The following SLC41A2 variants were observed in gnomAD, a reference collection of about 807,000 sequenced individuals.
The protein encoded by SLC41A2 is solute carrier family 41 member 2.
In SLC41A2, 32 loss-of-function variants were observed where a neutral mutation model predicts 58.3. The ratio of observed to expected loss-of-function variants is 0.55; its 90% CI spans 0.41 to 0.74. SLC41A2 has a LOEUF of 0.74. Ranked by LOEUF, SLC41A2 falls within the 30% of genes least tolerant of loss-of-function variation. SLC41A2 has a pLI of 0.00. For missense variants in SLC41A2, 514 were observed against 680.6 expected (o/e 0.76, Z 2.72); for synonymous variants, 190 against 235.0 (o/e 0.81, Z 1.75).
At chr12:104,897,677 TTTTTATAAA>T (rs2045360673) in intron 3 of SLC41A2, among the ~76,000 whole-genome samples, 1 of 152,222 alleles carries the variant, frequency 6.6e-6, no homozygotes, top group Non-Finnish European at 1.5e-5. Flanking sequence ...ACAATAACTT[TTTTTATAAA>T]GCAAAGATTT....
chr12:104,803,524 C>A lies in SLC41A2; in HGVS notation c.*1628G>T, dbSNP rs1314915752. 5 of 151,962 alleles carry A rather than the reference C, an allele frequency of 3.3e-5. No homozygotes were observed. 9.4% of individuals were successfully genotyped at this position (151,962 alleles called of 1,614,324 possible). ...CTTTCTGCAATATATTTATAAACAA[C>A]CTAATATTTATATAATAACACAAAG... On this transcript the variant is annotated 3_prime_UTR_variant, in exon 11 of 11. Transcript: ENST00000258538.
intron 10 of SLC41A2, among the ~76,000 whole-genome samples, chr12:104,807,378 A>C (rs1026007201): frequency 5.3e-5 from 8 of 152,046 alleles, no homozygotes; most frequent in African/African-American, 1.9e-4. Flanking sequence ...ATAGTTGTAG[A>C]TATGTGGCAT....
rs967158269 is a variant in SLC41A2 at position 104,958,249 on chromosome 12, C to T, written c.-329G>A. The T allele has an allele frequency of 1.3e-5, 2 of 151,138 alleles. No individual in the cohort carries two copies. Among genetic ancestry groups the T allele is most frequent in the Admixed American group, 6.6e-5 (1 of 15,168 alleles). The allele number at this position is 151,138 out of a possible 1,614,324, so 9.4% of individuals were successfully genotyped here. ...GCGGCTCCCAGCCCACAGCTCCTTCCTGCTCCCGCGCCTCCTCGCGCGGCT... is the reference window on the plus strand; with the variant it reads ...GCGGCTCCCAGCCCACAGCTCCTTCTTGCTCCCGCGCCTCCTCGCGCGGCT... On this transcript the variant is annotated 5_prime_UTR_variant, in exon 1 of 11. Coordinates refer to ENST00000258538, the MANE Select transcript of SLC41A2 (RefSeq NM_001352171.3).
rs147595903 is a variant in SLC41A2, at chr12:104,937,289, C to T, written c.-167-8595G>A. ...CACTCACCATTCACTTACTGACTTA[C>T]CCAGAGCAACTTCCAGTACTGAAAA... On this transcript the variant is annotated intron_variant, in intron 1 of 10. Transcript: ENST00000258538. Among the ~76,000 whole-genome samples, 760 of 152,306 alleles carry T rather than the reference C, an allele frequency of 5.0e-3. 7 individuals carry two copies. Among genetic ancestry groups the T allele is most frequent in the Non-Finnish European group, 8.2e-3 (557 of 68,030 alleles).
intron 1 of SLC41A2, among the ~76,000 whole-genome samples, chr12:104,935,672 T>C (rs999494002): frequency 5.3e-5 from 8 of 152,188 alleles, no homozygotes; most frequent in Non-Finnish European, 8.8e-5. Flanking sequence ...AGTCACGTAC[T>C]GCCTAACAAC....
intron 1 of SLC41A2, among the ~76,000 whole-genome samples, chr12:104,940,337 T>A (rs7306638): frequency 9.0e-5 from 7 of 77,402 alleles, no homozygotes; most frequent in African/African-American, 3.4e-4. Flanking sequence ...TTATTTTTTT[T>A]AAAAAGGCTC....
rs182027457 is a variant in SLC41A2, at chr12:104,879,992, C to T, written c.1027+6301G>A. ...CTCCTTGAAGAGGTCCTTCACATTC[C>T]GTGTAAGTTGGATTCCTAGGTATTT... On this transcript the variant is annotated intron_variant, in intron 6 of 10. Transcript: ENST00000258538. 2.0e-4 allele frequency among the ~76,000 whole-genome samples: 30 copies of T among 152,108 alleles called. No individual in the cohort carries two copies. In the East Asian group the frequency reaches 4.4e-3, roughly 22 times the overall value.
chr12:104,941,090 A>T (rs1455067096), intron 1 of SLC41A2, among the ~76,000 whole-genome samples: 2 of 152,174 alleles, frequency 1.3e-5, no homozygotes, highest in African/African-American at 4.8e-5. Context: ...GTTGGGGAAC[A>T]TGGAAGAGAG....
rs75652421 is a variant in SLC41A2 at position 104,858,950 on chromosome 12, G to T, written c.1255+2341C>A. Among the ~76,000 whole-genome samples the T allele has an allele frequency of 8.7e-3, 1,324 of 152,260 alleles. 36 individuals are homozygous for T. The East Asian group carries it at 0.12, about 14-fold the overall frequency. On this transcript the variant is annotated intron_variant, in intron 8 of 10. Transcript: ENST00000258538. ...TGCATTAAAGCCTTATAATAAAAGG[G>T]TTATTGTAATTTAAGTTAAATTTCT...
chr12:104,876,104 T>G (rs2044028572), intron 6 of SLC41A2, among the ~76,000 whole-genome samples: 1 of 151,902 alleles, frequency 6.6e-6, no homozygotes, highest in Non-Finnish European at 1.5e-5. Context: ...CTAGTGATCT[T>G]TTTTATTTCT....
intron 2 of SLC41A2, among the ~76,000 whole-genome samples, chr12:104,926,685 A>G (rs1267821311): frequency 6.6e-6 from 1 of 152,238 alleles, no homozygotes; most frequent in Non-Finnish European, 1.5e-5. Flanking sequence ...TCACAGAAAA[A>G]GAATGGCCAA....
At chr12:104,860,405 A>G (rs555089745) in intron 8 of SLC41A2, among the ~76,000 whole-genome samples, 3 of 152,184 alleles carry the variant, frequency 2.0e-5, no homozygotes, top group African/African-American at 7.2e-5. Context: ...AAAAAAAAAA[A>G]AAAAAATCCA....
chr12:104,829,857 T>G (rs1404729574), intron 10 of SLC41A2, among the ~76,000 whole-genome samples: 1 of 152,166 alleles, frequency 6.6e-6, no homozygotes, highest in Non-Finnish European at 1.5e-5. Flanking sequence ...ATTATATAAA[T>G]TTCAAATTTC....
intron 6 of SLC41A2, among the ~76,000 whole-genome samples, chr12:104,878,169 C>A (rs2044149397): frequency 6.6e-6 from 1 of 151,668 alleles, no homozygotes; most frequent in Admixed American, 6.6e-5. Flanking sequence ...CAACGGCATT[C>A]TCTTTCTTAC....
intron 3 of SLC41A2, among the ~76,000 whole-genome samples, chr12:104,898,561 A>C (rs1049648466): frequency 6.6e-6 from 1 of 151,396 alleles, no homozygotes; most frequent in Non-Finnish European, 1.5e-5. Flanking sequence ...AAAAAAAACT[A>C]TATGTACATT....
intron 1 of SLC41A2, among the ~76,000 whole-genome samples, chr12:104,936,078 T>C (rs1256725871): frequency 6.6e-6 from 1 of 151,732 alleles, no homozygotes. Context: ...AGTGACATCA[T>C]AGCTGTAAAA....
intron 10 of SLC41A2, among the ~76,000 whole-genome samples, chr12:104,811,425 A>G (rs1263721065): frequency 6.6e-6 from 1 of 152,232 alleles, no homozygotes. Flanking sequence ...GTGTATAAGT[A>G]TAAAACTATG....
chr12:104,920,627 A>T (rs972393266), intron 2 of SLC41A2, among the ~76,000 whole-genome samples: 6 of 152,146 alleles, frequency 3.9e-5, no homozygotes, highest in South Asian at 2.1e-4. Flanking sequence ...AATTTTTTTT[A>T]AATTAGCTGG....
intron 2 of SLC41A2, among the ~76,000 whole-genome samples, chr12:104,919,991 A>G (rs58483223): frequency 0.038 from 5,806 of 152,270 alleles, 154 homozygotes; most frequent in East Asian, 0.1. Context: ...TAATTTTTCT[A>G]TAAAGCACGA....
Sources: gnomAD v4.1 joint callset for allele counts (sites outside exome capture counted in the v4.1 genomes callset) on GRCh38, gnomAD v4.1.1 for gene constraint, MANE v1.5 for transcripts, NCBI Gene and HGNC (gene_info 2026-07-23, HGNC 2026-07-21) for gene names.